STRIP2: variants seen among roughly 807,000 people sequenced by gnomAD.
The protein encoded by STRIP2 is striatin interacting protein 2, also known as striatin-interacting protein 2.
Under a neutral mutation model 107.1 loss-of-function variants are expected in STRIP2, and 84 were observed. The observed-to-expected ratio is 0.78, with a 90% confidence interval of 0.66 to 0.94. The LOEUF (loss-of-function observed/expected upper bound fraction) is 0.94. Ranked by LOEUF, STRIP2 falls within the 40% of genes least tolerant of loss-of-function variation. The pLI is 0.00. For synonymous variants in STRIP2, 394 were observed against 400.4 expected, an observed-to-expected ratio of 0.98 and a Z score of 0.19; for missense variants, 888 against 1,034.2, an observed-to-expected ratio of 0.86 and a Z score of 1.94.
chr7:129,477,055 A>G (rs886325970), intron 18 of STRIP2, among the ~76,000 whole-genome samples: 4 of 151,530 alleles, frequency 2.6e-5, no homozygotes, highest in African/African-American at 7.3e-5. Context: ...CGCGCCTGCA[A>G]TCGCAGGCAC....
chr7:129,435,853 C>A (rs1367680620), intron 1 of STRIP2, among the ~76,000 whole-genome samples: 1 of 152,250 alleles, frequency 6.6e-6, no homozygotes, highest in East Asian at 1.9e-4. Flanking sequence ...CTTGCCTTAC[C>A]ATTTGAATAG....
intron 3 of STRIP2, among the ~76,000 whole-genome samples, chr7:129,444,846 T>C (rs933278847): frequency 2.0e-5 from 3 of 152,132 alleles, no homozygotes; most frequent in African/African-American, 7.2e-5. Flanking sequence ...AATGCTGATA[T>C]GAAGTCAATA....
chr7:129,460,248 A>G, intron 12 of STRIP2, 53 bp from the exon 13 acceptor site: 1 of 1,490,606 alleles, frequency 6.7e-7, no homozygotes, highest in Non-Finnish European at 9.3e-7. Context: ...AGAGACTGGT[A>G]CACATGTGAA....
chr7:129,476,303 G>A (rs1292548831), intron 18 of STRIP2, among the ~76,000 whole-genome samples: 2 of 150,762 alleles, frequency 1.3e-5, no homozygotes, highest in Admixed American at 6.6e-5. Context: ...TCCCAGATGC[G>A]GCGGCTGCCG....
At position 129,461,466 on chromosome 7, in the gene STRIP2, G is replaced by T. The variant is rs762353179; in HGVS notation, c.1476+1094G>T. ...CCCTGGGGCACACCAGTATGTTGAG[G>T]GGGGGATGTGTCAGGAAAGGAGCCA... On this transcript the variant is annotated intron_variant, in intron 13 of 20. Coordinates refer to ENST00000249344, the MANE Select transcript of STRIP2 (RefSeq NM_020704.3). The surrounding 1 kb of genome is among the most constrained non-coding windows in gnomAD (Gnocchi z 4.0). Among the ~76,000 whole-genome samples the T allele has an allele frequency of 1.2e-4, 19 of 152,148 alleles. No homozygotes were observed. Among genetic ancestry groups the T allele is most frequent in the Non-Finnish European group, 2.1e-4 (14 of 68,030 alleles).
rs1191689291 is a variant in STRIP2 at position 129,486,650 on chromosome 7, T to G, written c.*821T>G. 1 of 151,100 alleles carries G rather than the reference T, an allele frequency of 6.6e-6. No homozygotes were observed. The highest frequency in any genetic ancestry group is 1.5e-5 in the Non-Finnish European group (1 of 67,484). 9.4% of individuals were successfully genotyped at this position (151,100 alleles called of 1,614,324 possible). On this transcript the variant is annotated 3_prime_UTR_variant, in exon 21 of 21. Transcript: ENST00000249344. ...TATCCTTTTCATCTAATTCATTTTTTAAATGACAAGTTAACTACAGGAGGC... is the reference window on the plus strand; with the variant it reads ...TATCCTTTTCATCTAATTCATTTTTGAAATGACAAGTTAACTACAGGAGGC...
chr7:129,439,303 C>G (rs929083700), intron 1 of STRIP2, among the ~76,000 whole-genome samples: 3 of 152,142 alleles, frequency 2.0e-5, no homozygotes, highest in Non-Finnish European at 2.9e-5. Flanking sequence ...CACGCTGAGG[C>G]ACAGAGAGGT....
intron 18 of STRIP2, among the ~76,000 whole-genome samples, chr7:129,475,562 T>TTTTTA (rs1798898467): frequency 8.0e-6 from 1 of 124,856 alleles, no homozygotes; most frequent in African/African-American, 2.7e-5. Flanking sequence ...TCTTTTTTTT[T>TTTTTA]TTTTTCTTTT....
In STRIP2 at chr7:129,440,021, G is replaced by A; in HGVS notation, c.130-1G>A. 6.2e-7 allele frequency: 1 copy of A among 1,613,974 alleles called. No homozygotes were observed. Among genetic ancestry groups the A allele is most frequent in the Non-Finnish European group, 8.5e-7 (1 of 1,179,850 alleles). Reference sequence around the variant, plus strand: ...TTACCAACAAAATTTCTCTGTTACAGGGCTCTGTGGACTGTCCCACTCTGG... The same window carrying A: ...TTACCAACAAAATTTCTCTGTTACAAGGCTCTGTGGACTGTCCCACTCTGG... On this transcript the variant is annotated splice_acceptor_variant, in intron 1 of 20. Transcript: ENST00000249344. LOFTEE classifies it high-confidence loss of function.
In STRIP2 at chr7:129,482,372, TATATA is replaced by T. The variant is rs201110739; in HGVS notation, c.2050-469_2050-465del. Reference sequence around the variant, plus strand: ...CTCTCTCTCTATATATATATATATATATATATTTTTTTTTTTTTTTTTTGAGACGG... The same window carrying T: ...CTCTCTCTCTATATATATATATATATTTTTTTTTTTTTTTTTTTGAGACGG... On this transcript the variant is annotated intron_variant, in intron 19 of 20. Transcript: ENST00000249344. Among the ~76,000 whole-genome samples the T allele has an allele frequency of 3.2e-3, 328 of 102,534 alleles. 3 individuals are homozygous for T. The highest frequency in any genetic ancestry group is 4.8e-3 in the Non-Finnish European group (248 of 51,518). The allele number at this position is 102,534 out of a possible 152,430, so 67.3% of individuals were successfully genotyped here.
At position 129,458,261 on chromosome 7, in the gene STRIP2, A is replaced by T; in HGVS notation, c.1085A>T (p.Asp362Val). Residue 362 changes from aspartate to valine, a missense_variant, in exon 10 of 21, where the codon GAT (aspartate) becomes GTT (valine). Physicochemically the swap from Asp to Val is radical, Grantham distance 152. Coordinates refer to ENST00000249344, the MANE Select transcript of STRIP2 (RefSeq NM_020704.3). This position sits in a 1 kb window ranked among gnomAD's most constrained non-coding sequence, Gnocchi z 4.6. ...QDSLDIYNER[D>V]LFKTEEPATE... Reference sequence around the variant, plus strand: ...AGCCTGGACATCTACAATGAAAGGGATCTCTTCAAGACTGAGGAGCCCGCC... The same window carrying T: ...AGCCTGGACATCTACAATGAAAGGGTTCTCTTCAAGACTGAGGAGCCCGCC... The T allele has an allele frequency of 6.2e-7, 1 of 1,614,146 alleles. No homozygotes were observed. The highest frequency in any genetic ancestry group is 8.5e-7 in the Non-Finnish European group (1 of 1,180,026).
rs1799275111 is a variant in STRIP2, at chr7:129,487,948, ATGGAGAAAC to A, written c.*2122_*2130del. 1 of 152,242 alleles carries A rather than the reference ATGGAGAAAC, an allele frequency of 6.6e-6. No individual in the cohort carries two copies. The highest frequency in any genetic ancestry group is 2.1e-4 in the South Asian group (1 of 4,834). The allele number at this position is 152,242 out of a possible 1,614,324, so 9.4% of individuals were successfully genotyped here. A position where few individuals can be genotyped will look rare whatever the true frequency, so the allele number is the denominator to read the frequency against. On this transcript the variant is annotated 3_prime_UTR_variant, in exon 21 of 21. Coordinates refer to ENST00000249344, the MANE Select transcript of STRIP2 (RefSeq NM_020704.3). ...AAGGGAAGGTTACTTCTCAGTGCAG[ATGGAGAAAC>A]TGAAGCACTAAGGATAAATGATTAG...
chr7:129,464,770 T>G (rs770786937), intron 16 of STRIP2, 32 bp downstream of exon 16: 157 of 1,613,690 alleles, frequency 9.7e-5, no homozygotes, highest in Non-Finnish European at 1.3e-4. Flanking sequence ...TCCACAGGTC[T>G]TGGGTGTTTG....
intron 14 of STRIP2, 34 bp downstream of exon 14, chr7:129,463,074 C>T: frequency 6.4e-7 from 1 of 1,562,964 alleles, no homozygotes; most frequent in Middle Eastern, 1.7e-4. Flanking sequence ...CTGCCCTTCT[C>T]TGCTGCAAGG....
chr7:129,456,560 C>T lies in STRIP2; in HGVS notation c.956C>T (p.Pro319Leu), dbSNP rs150058386. Residue 319 changes from proline (P) to leucine (L), a missense_variant, in exon 9 of 21, where the codon CCG (proline) becomes CTG (leucine). By Grantham distance (98) the Pro-to-Leu change is moderately conservative. Coordinates refer to ENST00000249344, the MANE Select transcript of STRIP2 (RefSeq NM_020704.3). The stretch of plus-strand genomic sequence containing the variant: ...GTGAAGAGCATGCGTGCTGCCTCCC[C>T]GCCCTCTTACACTCTTGACCTGGGA... Reference protein sequence around the residue: ...QVVKSMRAASPPSYTLDLGES... With the variant: ...QVVKSMRAASLPSYTLDLGES... 31 of 1,614,010 alleles carry T rather than the reference C, an allele frequency of 1.9e-5. No homozygotes were observed. The highest frequency in any genetic ancestry group is 1.3e-4 in the East Asian group (6 of 44,888).
chr7:129,484,827 A>G (rs1022124750), intron 20 of STRIP2, among the ~76,000 whole-genome samples: 2 of 152,246 alleles, frequency 1.3e-5, no homozygotes, highest in African/African-American at 2.4e-5. Flanking sequence ...TGCTGCCATT[A>G]TGAGCCCAAA....
chr7:129,470,548 TA>T lies in STRIP2; in HGVS notation c.1878-100del, dbSNP rs1423599282. On this transcript the variant is annotated intron_variant, in intron 17 of 20. Transcript: ENST00000249344. The stretch of plus-strand genomic sequence containing the variant: ...GTCACTAAGCAATTTGGGAAATGGA[TA>T]GGGGCTGCTGGAGAGAAATAACTCC... 51 of 961,168 alleles carry T rather than the reference TA, an allele frequency of 5.3e-5. 1 individual carries two copies. The highest frequency in any genetic ancestry group is 6.1e-4 in the Middle Eastern group (2 of 3,268). 59.5% of individuals were successfully genotyped at this position (961,168 alleles called of 1,614,324 possible). A position where few individuals can be genotyped will look rare whatever the true frequency, so the allele number is the denominator to read the frequency against.
rs894080678 is a variant in STRIP2, at chr7:129,487,854, G to A, written c.*2025G>A. 3 of 152,082 alleles carry A rather than the reference G, an allele frequency of 2.0e-5. No homozygotes were observed. Among genetic ancestry groups the A allele is most frequent in the Admixed American group, 1.3e-4 (2 of 15,210 alleles). The allele number at this position is 152,082 out of a possible 1,614,324, so 9.4% of individuals were successfully genotyped here. On this transcript the variant is annotated 3_prime_UTR_variant, in exon 21 of 21. Coordinates refer to ENST00000249344, the MANE Select transcript of STRIP2 (RefSeq NM_020704.3). ...AAATTGCCCTTTTAAAAGCATGTAC[G>A]TGAATGCTTTTTGAGGCACAGAAGT... is the stretch of plus-strand genomic sequence containing the variant.
At chr7:129,451,427 G>A (rs1424732169) in intron 3 of STRIP2, among the ~76,000 whole-genome samples, 186 bp from the exon 4 acceptor site, 1 of 152,190 alleles carries the variant, frequency 6.6e-6, no homozygotes, top group Non-Finnish European at 1.5e-5. Flanking sequence ...GCTATAGACT[G>A]GGTTCAGGCC....
Sources: allele counts gnomAD v4.1 joint callset (sites outside exome capture counted in the v4.1 genomes callset), GRCh38; gene constraint gnomAD v4.1.1; non-coding constraint Gnocchi (gnomAD v3.1); transcripts MANE v1.5; gene names NCBI Gene and HGNC (gene_info 2026-07-23, HGNC 2026-07-21).